EPM2A: variants seen among roughly 807,000 people sequenced by gnomAD.
The protein encoded by EPM2A is EPM2A glucan phosphatase, laforin.
In EPM2A, 21 loss-of-function variants were observed where a neutral mutation model predicts 26.5. The observed-to-expected ratio is 0.79, with a 90% confidence interval of 0.56 to 1.14. The LOEUF (loss-of-function observed/expected upper bound fraction) is 1.14. Ranked by LOEUF, EPM2A falls within the 50% of genes most tolerant of loss-of-function variation. The pLI, the probability that EPM2A is intolerant of heterozygous loss-of-function variation, is 0.00. For synonymous variants in EPM2A, 217 were observed against 177.6 expected (o/e 1.22, Z -1.76); for missense variants, 458 against 440.8 (o/e 1.04, Z -0.35).
chr6:145,474,451 G>T (rs1434157489), intron 4 of EPM2A, among the ~76,000 whole-genome samples: 2 of 152,014 alleles, frequency 1.3e-5, no homozygotes, highest in African/African-American at 4.8e-5. Flanking sequence ...GACAGAGAGA[G>T]ACTCCATCTC....
chr6:145,592,412 G>T (rs1781286981), intron 2 of EPM2A, among the ~76,000 whole-genome samples: 1 of 151,992 alleles, frequency 6.6e-6, no homozygotes, highest in Admixed American at 6.6e-5. Flanking sequence ...GTCTATCACT[G>T]TTGGACATTT....
intron 2 of EPM2A, among the ~76,000 whole-genome samples, chr6:145,648,531 G>A (rs539309857): frequency 7.2e-5 from 11 of 152,262 alleles, no homozygotes; most frequent in African/African-American, 1.2e-4. Context: ...AGCTGTTAAC[G>A]CAGGTGGACA....
At chr6:145,675,471 A>G (rs1334799597) in intron 2 of EPM2A, among the ~76,000 whole-genome samples, 1 of 152,224 alleles carries the variant, frequency 6.6e-6, no homozygotes, top group Non-Finnish European at 1.5e-5. Flanking sequence ...AAATGCCTCA[A>G]TTAAAAGACA....
chr6:145,616,284 A>C (rs1451258873), intron 2 of EPM2A, among the ~76,000 whole-genome samples: 1 of 152,378 alleles, frequency 6.6e-6, no homozygotes, highest in East Asian at 1.9e-4. Context: ...GCAAGCCTCA[A>C]GCCTTGGCAG....
intron 2 of EPM2A, among the ~76,000 whole-genome samples, chr6:145,619,469 G>A (rs1482742813): frequency 2.0e-5 from 3 of 152,210 alleles, no homozygotes; most frequent in African/African-American, 7.2e-5. Flanking sequence ...TTTTGGAAGT[G>A]AGCTGATGGA....
intron 2 of EPM2A, among the ~76,000 whole-genome samples, chr6:145,617,196 C>T (rs1326090815): frequency 6.6e-6 from 1 of 152,150 alleles, no homozygotes; most frequent in Non-Finnish European, 1.5e-5. Flanking sequence ...GTGAATAAGT[C>T]TCACAAGATC....
chr6:145,696,806 TG>T (rs1781608850), intron 1 of EPM2A, among the ~76,000 whole-genome samples: 2 of 148,272 alleles, frequency 1.3e-5, no homozygotes, highest in East Asian at 1.9e-4. Flanking sequence ...TGTGTGTGTG[TG>T]TGTGTGTGTG....
At chr6:145,465,456 T>C (rs1454180119) in intron 4 of EPM2A, among the ~76,000 whole-genome samples, 1 of 152,142 alleles carries the variant, frequency 6.6e-6, no homozygotes, top group Non-Finnish European at 1.5e-5. Context: ...GTCTGAAGCC[T>C]TCTTCTCTCA....
At position 145,716,490 on chromosome 6, in the gene EPM2A, T is replaced by A. The variant is rs1775630012; in HGVS notation, c.301+18708A>T. Reference sequence around the variant, plus strand: ...TATGTTTGACAGAAAAGAAAAAATATCAGTAGAGACTGCTCGAGGTAAGCC... The same window carrying A: ...TATGTTTGACAGAAAAGAAAAAATAACAGTAGAGACTGCTCGAGGTAAGCC... On this transcript the variant is annotated intron_variant, in intron 1 of 3. Transcript: ENST00000367519. 2.0e-5 allele frequency among the ~76,000 whole-genome samples: 3 copies of A among 152,228 alleles called. No individual in the cohort carries two copies. The East Asian group carries it at 5.8e-4, about 29-fold the overall frequency.
intron 2 of EPM2A, among the ~76,000 whole-genome samples, chr6:145,503,018 A>G (rs994525123): frequency 1.3e-5 from 2 of 152,202 alleles, no homozygotes; most frequent in African/African-American, 4.8e-5. Context: ...ACCCATTTAA[A>G]TGTTTTTAGT....
At chr6:145,598,237 T>C (rs530464563) in intron 2 of EPM2A, among the ~76,000 whole-genome samples, 1 of 152,308 alleles carries the variant, frequency 6.6e-6, no homozygotes, top group African/African-American at 2.4e-5. Flanking sequence ...CAGCATCTGT[T>C]ATTTTTTGAC....
At chr6:145,609,470 A>G (rs998830222) in intron 2 of EPM2A, among the ~76,000 whole-genome samples, 3 of 152,214 alleles carry the variant, frequency 2.0e-5, no homozygotes, top group African/African-American at 7.2e-5. Flanking sequence ...CCTAATCAAG[A>G]CAGTTACATA....
At chr6:145,408,950 G>A (rs1331911194) in intron 4 of EPM2A, among the ~76,000 whole-genome samples, 2 of 151,978 alleles carry the variant, frequency 1.3e-5, no homozygotes, top group Non-Finnish European at 2.9e-5. Flanking sequence ...ATTTCTTTGG[G>A]GTCTAGGTTT....
intron 1 of EPM2A, among the ~76,000 whole-genome samples, chr6:145,707,061 T>A (rs1414081695): frequency 6.6e-6 from 1 of 152,232 alleles, no homozygotes; most frequent in Non-Finnish European, 1.5e-5. Context: ...AAGCCAAATC[T>A]ATTAATACTG....
intron 1 of EPM2A, among the ~76,000 whole-genome samples, chr6:145,733,512 A>G (rs1414130909): frequency 1.6e-4 from 24 of 152,200 alleles, no homozygotes; most frequent in Admixed American, 1.6e-3. Context: ...AAATAGCAAC[A>G]TAAGCAAACT....
intron 2 of EPM2A, among the ~76,000 whole-genome samples, chr6:145,525,108 A>G (rs939224437): frequency 1.3e-5 from 2 of 151,912 alleles, no homozygotes; most frequent in South Asian, 2.1e-4. Flanking sequence ...TGGGTTCTGT[A>G]TTCTGTTGCA....
intron 4 of EPM2A, among the ~76,000 whole-genome samples, chr6:145,494,734 A>G (rs1335880624): frequency 1.3e-5 from 2 of 152,178 alleles, no homozygotes; most frequent in East Asian, 3.9e-4. Context: ...CCTTAATTTC[A>G]TTATTTATCC....
intron 2 of EPM2A, among the ~76,000 whole-genome samples, chr6:145,575,687 A>T (rs9390336): frequency 0.43 from 65,248 of 152,020 alleles, 14,557 homozygotes; most frequent in African/African-American, 0.52. Context: ...GAGCAATGAA[A>T]CAGGAGTGTC....
At chr6:145,631,368 A>G (rs1005440088) in intron 3 of EPM2A, 2 of 152,164 alleles carry the variant, frequency 1.3e-5, no homozygotes, top group African/African-American at 2.4e-5. Flanking sequence ...AAAGACAGAA[A>G]TCCAGATCTT....
Sources: allele counts gnomAD v4.1 joint callset (sites outside exome capture counted in the v4.1 genomes callset), GRCh38; gene constraint gnomAD v4.1.1; transcripts MANE v1.5; gene names NCBI Gene and HGNC (gene_info 2026-07-23, HGNC 2026-07-21).